ABCC1: variants seen among roughly 807,000 people sequenced by gnomAD.
The protein encoded by ABCC1 is multidrug resistance-associated protein 1.
In ABCC1, 83 loss-of-function variants were observed where a neutral mutation model predicts 172.9. That is an observed-to-expected ratio of 0.48 (90% confidence interval 0.40 to 0.58). The LOEUF (loss-of-function observed/expected upper bound fraction) is 0.58. ABCC1 is among the 20% of genes least tolerant of loss of function. ABCC1 has a pLI of 0.00. For missense variants in ABCC1, 1,817 were observed against 2,002.7 expected, an observed-to-expected ratio of 0.91 and a Z score of 1.77; for synonymous variants, 937 against 825.2, an observed-to-expected ratio of 1.14 and a Z score of -2.32.
intron 3 of ABCC1, among the ~76,000 whole-genome samples, chr16:16,011,927 C>A (rs79975755): frequency 6.6e-6 from 1 of 152,026 alleles, no homozygotes; most frequent in Non-Finnish European, 1.5e-5. Flanking sequence ...CCTAGGCCCC[C>A]CAAAGTGCTG....
chr16:16,107,057 C>A (rs1404852195), intron 21 of ABCC1, among the ~76,000 whole-genome samples, 184 bp downstream of exon 21: 1 of 152,146 alleles, frequency 6.6e-6, no homozygotes, highest in African/African-American at 2.4e-5. Flanking sequence ...CTCACGGTCA[C>A]CCCTGGTCAG....
At chr16:16,127,396 G>C (rs1327375637) in intron 26 of ABCC1, among the ~76,000 whole-genome samples, 1 of 152,048 alleles carries the variant, frequency 6.6e-6, no homozygotes, top group Non-Finnish European at 1.5e-5. Flanking sequence ...TAGTAGAGAC[G>C]GGATTTTGCC....
At chr16:16,050,057 G>C (rs756673148) in intron 10 of ABCC1, among the ~76,000 whole-genome samples, 8 of 152,100 alleles carry the variant, frequency 5.3e-5, no homozygotes, top group Non-Finnish European at 8.8e-5. Flanking sequence ...CCTCTTTGAA[G>C]GGTAACATGT....
chr16:16,004,735 A>G (rs2047459421), intron 1 of ABCC1, among the ~76,000 whole-genome samples: 1 of 149,328 alleles, frequency 6.7e-6, no homozygotes. Flanking sequence ...GCTCACTGCA[A>G]CCTTTGCCTC....
Position 16,009,772 on chromosome 16 carries a change from C to T in ABCC1, c.226-4C>T. ...TGTAGGATATGTATGTGCTTCTCTT[C>T]CAGGCCTTGGGATTTTTGCTGTGGA... On this transcript the variant is annotated splice_region_variant and splice_polypyrimidine_tract_variant and intron_variant, in intron 2 of 30. Coordinates refer to ENST00000399410, the MANE Select transcript of ABCC1 (RefSeq NM_004996.4). The T allele has an allele frequency of 6.2e-7, 1 of 1,603,568 alleles. No homozygotes were observed. Among genetic ancestry groups the T allele is most frequent in the Non-Finnish European group, 8.5e-7 (1 of 1,175,212 alleles).
intron 1 of ABCC1, among the ~76,000 whole-genome samples, chr16:15,953,602 G>C (rs2045924839): frequency 6.6e-6 from 1 of 152,160 alleles, no homozygotes; most frequent in Admixed American, 6.5e-5. Context: ...GCTCAGTAAA[G>C]ATCAGTGGTC....
At chr16:15,996,943 A>G (rs1162376894) in intron 1 of ABCC1, among the ~76,000 whole-genome samples, 2 of 152,178 alleles carry the variant, frequency 1.3e-5, no homozygotes, top group Non-Finnish European at 2.9e-5. Context: ...CACAAAGGTC[A>G]GGGGCCACTC....
chr16:15,979,738 A>C (rs1413869971), intron 1 of ABCC1, among the ~76,000 whole-genome samples: 5 of 152,130 alleles, frequency 3.3e-5, no homozygotes, highest in Non-Finnish European at 7.3e-5. Context: ...TTGGCCTTCC[A>C]GAGTGACTAT....
At chr16:15,979,341 G>A (rs1345681668) in intron 1 of ABCC1, among the ~76,000 whole-genome samples, 1 of 151,958 alleles carries the variant, frequency 6.6e-6, no homozygotes, top group Admixed American at 6.6e-5. Flanking sequence ...TTCCACAAAT[G>A]TGAAGTAGTC....
rs1302744171 is a variant in ABCC1, at chr16:16,036,672, C to T, written c.809+69C>T. On this transcript the variant is annotated intron_variant, in intron 7 of 30. Coordinates refer to ENST00000399410, the MANE Select transcript of ABCC1 (RefSeq NM_004996.4). ...CCTTTCCACTCCTGTGGCCTCAATCCAGGATGGGGCCCTGGCAGTGCTGCC... is the reference window on the plus strand; with the variant it reads ...CCTTTCCACTCCTGTGGCCTCAATCTAGGATGGGGCCCTGGCAGTGCTGCC... The T allele has an allele frequency of 4.6e-5, 70 of 1,521,648 alleles. No individual in the cohort carries two copies. The East Asian group carries it at 1.6e-3, about 35-fold the overall frequency. The allele number at this position is 1,521,648 out of a possible 1,614,324, so 94.3% of individuals were successfully genotyped here. A position where few individuals can be genotyped will look rare whatever the true frequency, so the allele number is the denominator to read the frequency against.
chr16:15,976,499 A>T (rs215048), intron 1 of ABCC1, among the ~76,000 whole-genome samples: 129,155 of 152,040 alleles, frequency 0.85, 55,121 homozygotes, highest in African/African-American at 0.91. Context: ...AAACCCAGGC[A>T]GTCTGTCTCC....
chr16:16,110,940 G>A (rs545363091), intron 21 of ABCC1, among the ~76,000 whole-genome samples: 26 of 151,582 alleles, frequency 1.7e-4, no homozygotes, highest in African/African-American at 5.6e-4. Context: ...TCACTCTGTC[G>A]CCCAGGCTGG....
At chr16:16,124,387 G>A (rs1446876568) in intron 24 of ABCC1, among the ~76,000 whole-genome samples, 23 of 117,324 alleles carry the variant, frequency 2.0e-4, no homozygotes, top group Middle Eastern at 4.6e-3. Context: ...CTGTGTGTGT[G>A]TGTGTGTGTG....
At chr16:15,989,184 G>T (rs1459888597) in intron 1 of ABCC1, among the ~76,000 whole-genome samples, 36 of 152,016 alleles carry the variant, frequency 2.4e-4, no homozygotes, top group Admixed American at 2.4e-3. Context: ...CCGTGCCCCT[G>T]CCTTCCTGGG....
At chr16:16,002,410 ACTTGTCC>A (rs2047346155) in intron 1 of ABCC1, among the ~76,000 whole-genome samples, 1 of 152,204 alleles carries the variant, frequency 6.6e-6, no homozygotes, top group African/African-American at 2.4e-5. Context: ...GAATGAGAAG[ACTTGTCC>A]CTTGTACCTC....
chr16:15,960,915 C>A (rs1363757832), intron 1 of ABCC1, among the ~76,000 whole-genome samples: 1 of 151,872 alleles, frequency 6.6e-6, no homozygotes, highest in Admixed American at 6.6e-5. Flanking sequence ...AAGGCGCTTA[C>A]CAGCTCAGCA....
At chr16:16,109,715 G>A (rs1187851764) in intron 21 of ABCC1, among the ~76,000 whole-genome samples, 1 of 152,134 alleles carries the variant, frequency 6.6e-6, no homozygotes, top group Non-Finnish European at 1.5e-5. Context: ...CTCCTGGAGC[G>A]AACTGGGCAC....
intron 1 of ABCC1, among the ~76,000 whole-genome samples, chr16:15,981,847 C>G (rs1232065031): frequency 6.6e-6 from 1 of 152,166 alleles, no homozygotes; most frequent in Non-Finnish European, 1.5e-5. Context: ...ATGTTTCAAA[C>G]TTTTATGCTC....
chr16:15,985,173 C>T (rs1030010178), intron 1 of ABCC1, among the ~76,000 whole-genome samples: 1 of 152,144 alleles, frequency 6.6e-6, no homozygotes, highest in African/African-American at 2.4e-5. Flanking sequence ...ATTCCATCAT[C>T]CCCAGCTTCT....
Sources: gnomAD v4.1 joint callset for allele counts (sites outside exome capture counted in the v4.1 genomes callset) on GRCh38, gnomAD v4.1.1 for gene constraint, MANE v1.5 for transcripts, NCBI Gene and HGNC (gene_info 2026-07-23, HGNC 2026-07-21) for gene names.